The following UBE2E1 variants were observed in gnomAD, a reference collection of about 807,000 sequenced individuals.
UBE2E1 encodes the protein ubiquitin conjugating enzyme E2 E1.
A neutral mutation model predicts 21.4 loss-of-function variants in UBE2E1; 6 were observed. The ratio of observed to expected loss-of-function variants is 0.28; its 90% CI spans 0.15 to 0.55. The LOEUF is 0.55. Ranked by LOEUF, UBE2E1 falls within the 20% of genes least tolerant of loss-of-function variation. The pLI, the probability that UBE2E1 is intolerant of heterozygous loss-of-function variation, is 0.93. For synonymous variants in UBE2E1, 87 were observed against 82.7 expected, an observed-to-expected ratio of 1.05 and a Z score of -0.28; for missense variants, 142 against 236.5, an observed-to-expected ratio of 0.60 and a Z score of 2.62.
chr3:23,821,868 G>A (rs539932797), intron 3 of UBE2E1, among the ~76,000 whole-genome samples: 1 of 152,226 alleles, frequency 6.6e-6, no homozygotes, highest in South Asian at 2.1e-4. Flanking sequence ...AAATGAAGGT[G>A]TCAAAAATAA....
chr3:23,806,396 C>A lies in UBE2E1; in HGVS notation c.-34+308C>A, dbSNP rs1699268621. ...CACTGGCCACCGAGGGGCCCGGGAG[C>A]GGGGGTGGGAGGGAGTTGGGGGAGC... On this transcript the variant is annotated intron_variant, in intron 1 of 5. Coordinates refer to ENST00000306627, the MANE Select transcript of UBE2E1 (RefSeq NM_003341.5). This position sits in a 1 kb window ranked among gnomAD's most constrained non-coding sequence, Gnocchi z 6.5. Among the ~76,000 whole-genome samples the A allele has an allele frequency of 7.1e-6, 1 of 141,312 alleles. No individual in the cohort carries two copies. Among genetic ancestry groups the A allele is most frequent in the African/African-American group, 2.6e-5 (1 of 38,982 alleles). 92.7% of individuals were successfully genotyped at this position (141,312 alleles called of 152,430 possible). A position where few individuals can be genotyped will look rare whatever the true frequency, so the allele number is the denominator to read the frequency against.
At position 23,811,528 on chromosome 3, in the gene UBE2E1, T is replaced by C. The variant is rs112311547; in HGVS notation, c.203+18T>C. ...AATTGCAGGTGAGTTGCTTTTCGGA[T>C]TTTTTCCATTTTTAAAATTCTTCTA... On this transcript the variant is annotated intron_variant, in intron 3 of 5. Transcript: ENST00000306627. 648 of 1,612,316 alleles carry C rather than the reference T, an allele frequency of 4.0e-4. No individual in the cohort carries two copies. The highest frequency in any genetic ancestry group is 3.1e-3 in the Middle Eastern group (19 of 6,054).
intron 3 of UBE2E1, among the ~76,000 whole-genome samples, chr3:23,881,097 A>C (rs1368318925): frequency 1.3e-5 from 2 of 152,206 alleles, no homozygotes; most frequent in African/African-American, 4.8e-5. Flanking sequence ...AATTGCGTTT[A>C]TTCAATGGAG....
At chr3:23,884,775 T>G (rs1701139696) in intron 3 of UBE2E1, among the ~76,000 whole-genome samples, 1 of 152,166 alleles carries the variant, frequency 6.6e-6, no homozygotes, top group Non-Finnish European at 1.5e-5. Flanking sequence ...GTACTGGATT[T>G]TAGAGAGCCT....
At chr3:23,880,899 A>G (rs927341058) in intron 3 of UBE2E1, among the ~76,000 whole-genome samples, 1 of 152,242 alleles carries the variant, frequency 6.6e-6, no homozygotes, top group Admixed American at 6.5e-5. Context: ...TACAGTTTAT[A>G]CTGTGCAGAT....
Position 23,853,395 on chromosome 3 carries a change from C to T in UBE2E1, c.204-34172C>T, listed in dbSNP as rs565048194. Among the ~76,000 whole-genome samples the T allele has an allele frequency of 6.6e-6, 1 of 152,278 alleles. No individual in the cohort carries two copies. The highest frequency in any genetic ancestry group is 2.1e-4 in the South Asian group (1 of 4,824). ...TTGTCACCATTAAGTATGGTGTTGG[C>T]TGTGGGTTTATCATTAGTGTCTGTT... On this transcript the variant is annotated intron_variant, in intron 3 of 5. Transcript: ENST00000306627. This position sits in a 1 kb window ranked among gnomAD's most constrained non-coding sequence, Gnocchi z 4.1.
chr3:23,887,475 G>A lies in UBE2E1; in HGVS notation c.204-92G>A. ...GAGAATCCACACAGTAAACAAAAGA[G>A]AGGAGAGAGGTAATCTTTCCATCTC... On this transcript the variant is annotated intron_variant, in intron 3 of 5. Transcript: ENST00000306627. The surrounding 1 kb of genome is among the most constrained non-coding windows in gnomAD (Gnocchi z 4.4). The A allele has an allele frequency of 2.1e-6, 3 of 1,454,466 alleles. No homozygotes were observed. Among genetic ancestry groups the A allele is most frequent in the Non-Finnish European group, 2.7e-6 (3 of 1,095,332 alleles). The allele number at this position is 1,454,466 out of a possible 1,614,324, so 90.1% of individuals were successfully genotyped here. A position where few individuals can be genotyped will look rare whatever the true frequency, so the allele number is the denominator to read the frequency against.
intron 3 of UBE2E1, among the ~76,000 whole-genome samples, chr3:23,858,393 C>T (rs923079471): frequency 1.3e-5 from 2 of 152,130 alleles, no homozygotes; most frequent in African/African-American, 4.8e-5. Context: ...GATCTCGGCT[C>T]ACTGCAACCT....
chr3:23,835,778 A>G (rs778846757), intron 3 of UBE2E1, among the ~76,000 whole-genome samples: 6 of 152,192 alleles, frequency 3.9e-5, no homozygotes, highest in Non-Finnish European at 7.3e-5. Flanking sequence ...ACCTGTATCA[A>G]TTTGCAGATT....
At chr3:23,852,414 C>T (rs1575016611) in intron 3 of UBE2E1, among the ~76,000 whole-genome samples, 5 of 152,236 alleles carry the variant, frequency 3.3e-5, no homozygotes, top group Admixed American at 3.3e-4. Context: ...TTTCTGATTA[C>T]TCACGGGTAG....
At chr3:23,820,181 C>T (rs1699617403) in intron 3 of UBE2E1, among the ~76,000 whole-genome samples, 1 of 152,140 alleles carries the variant, frequency 6.6e-6, no homozygotes, top group Non-Finnish European at 1.5e-5. Context: ...CATAATAAGC[C>T]CATTCTTATT....
At chr3:23,868,930 G>T (rs1272739515) in intron 3 of UBE2E1, among the ~76,000 whole-genome samples, 1 of 152,066 alleles carries the variant, frequency 6.6e-6, no homozygotes. Context: ...TTTAAGAGCT[G>T]TACAGTATAC....
intron 3 of UBE2E1, among the ~76,000 whole-genome samples, chr3:23,818,996 C>T (rs1251319035): frequency 1.3e-5 from 2 of 152,106 alleles, no homozygotes; most frequent in Non-Finnish European, 2.9e-5. Context: ...GTAAAAATTG[C>T]TAGAGAGTCC....
Position 23,887,863 on chromosome 3 carries a change from C to T in UBE2E1, c.336+164C>T. ...AAAACACTTCTTTAGGTTGATTTTG[C>T]CTTATCTGGCAGAGACCATTCTAGG... On this transcript the variant is annotated intron_variant, in intron 4 of 5. Transcript: ENST00000306627. The surrounding 1 kb of genome is among the most constrained non-coding windows in gnomAD (Gnocchi z 4.4). The T allele has an allele frequency of 2.1e-6, 2 of 958,922 alleles. No homozygotes were observed. Among genetic ancestry groups the T allele is most frequent in the Middle Eastern group, 3.4e-4 (1 of 2,950 alleles). The allele number at this position is 958,922 out of a possible 1,614,324, so 59.4% of individuals were successfully genotyped here.
rs376624511 is a variant in UBE2E1, at chr3:23,816,967, CTTAAAATGG to C, written c.203+5467_203+5475del. 3.7e-3 allele frequency among the ~76,000 whole-genome samples: 567 copies of C among 152,224 alleles called. 2 individuals carry two copies. The highest frequency in any genetic ancestry group is 0.013 in the African/African-American group (537 of 41,542). On this transcript the variant is annotated intron_variant, in intron 3 of 5. Coordinates refer to ENST00000306627, the MANE Select transcript of UBE2E1 (RefSeq NM_003341.5). The surrounding 1 kb of genome is among the most constrained non-coding windows in gnomAD (Gnocchi z 4.8). ...GTAATTAATGCCACTAAATTGTACA[CTTAAAATGG>C]TTAAAATGGCAAATTTCATGTTATA... is the stretch of plus-strand genomic sequence containing the variant.
rs76677822 is a variant in UBE2E1 at position 23,857,248 on chromosome 3, T to G, written c.204-30319T>G. On this transcript the variant is annotated intron_variant, in intron 3 of 5. Transcript: ENST00000306627. ...AGGAGTATGTTTTAGAGTCTGGTGG[T>G]TTTTTTTTTCTTTCTGCATAGGAAA... 6.3e-4 allele frequency among the ~76,000 whole-genome samples: 93 copies of G among 147,660 alleles called. 1 individual carries two copies. Among genetic ancestry groups the G allele is most frequent in the Middle Eastern group, 3.6e-3 (1 of 278 alleles).
At chr3:23,882,321 C>T (rs976579239) in intron 3 of UBE2E1, among the ~76,000 whole-genome samples, 2 of 152,224 alleles carry the variant, frequency 1.3e-5, no homozygotes, top group African/African-American at 4.8e-5. Context: ...TCCAAGTCCC[C>T]ACTAGATTAG....
rs1438114646 is a variant in UBE2E1 at position 23,863,366 on chromosome 3, C to T, written c.204-24201C>T. 6.6e-6 allele frequency among the ~76,000 whole-genome samples: 1 copy of T among 152,018 alleles called. No homozygotes were observed. Among genetic ancestry groups the T allele is most frequent in the Non-Finnish European group, 1.5e-5 (1 of 68,002 alleles). Reference sequence around the variant, plus strand: ...TCCTTCCTTGCTTGACTACCTCCCTCCCCAAGTTATTCTCTCACCTTTTCC... The same window carrying T: ...TCCTTCCTTGCTTGACTACCTCCCTTCCCAAGTTATTCTCTCACCTTTTCC... On this transcript the variant is annotated intron_variant, in intron 3 of 5. Coordinates refer to ENST00000306627, the MANE Select transcript of UBE2E1 (RefSeq NM_003341.5). The surrounding 1 kb of genome is among the most constrained non-coding windows in gnomAD (Gnocchi z 4.3).
chr3:23,842,324 G>A lies in UBE2E1; in HGVS notation c.203+30814G>A, dbSNP rs1470691486. 6.6e-6 allele frequency among the ~76,000 whole-genome samples: 1 copy of A among 150,546 alleles called. No individual in the cohort carries two copies. The highest frequency in any genetic ancestry group is 1.5e-5 in the Non-Finnish European group (1 of 67,770). ...TGCAGTGGTGCAGTCACGACTCACT[G>A]CAGCCTCAACCTCATGGGCTCAGGC... On this transcript the variant is annotated intron_variant, in intron 3 of 5. Coordinates refer to ENST00000306627, the MANE Select transcript of UBE2E1 (RefSeq NM_003341.5). This position sits in a 1 kb window ranked among gnomAD's most constrained non-coding sequence, Gnocchi z 4.6.
Sources: gnomAD v4.1 joint callset for allele counts (sites outside exome capture counted in the v4.1 genomes callset) on GRCh38, gnomAD v4.1.1 for gene constraint, Gnocchi (gnomAD v3.1) non-coding constraint, MANE v1.5 for transcripts, NCBI Gene and HGNC (gene_info 2026-07-23, HGNC 2026-07-21) for gene names.